Variants in PLXNA2 observed in about 807,000 individuals in gnomAD.
The protein encoded by PLXNA2 is plexin A2.
In PLXNA2, 91 loss-of-function variants were observed where a neutral mutation model predicts 193.5. The observed-to-expected ratio is 0.47, with a 90% confidence interval of 0.40 to 0.56. PLXNA2 has a LOEUF of 0.56. PLXNA2 is among the 20% of genes least tolerant of loss of function. The probability of loss-of-function intolerance (pLI) is 0.00; values close to 1 mark genes in which losing one functional copy is unlikely to be tolerated. For missense variants in PLXNA2, 1,995 were observed against 2,503.2 expected (o/e 0.80, Z 4.33); for synonymous variants, 997 against 1,027.3 (o/e 0.97, Z 0.56).
intron 12 of PLXNA2, 49 bp downstream of exon 12, chr1:208,079,211 G>C (rs1666251744): frequency 6.6e-7 from 1 of 1,507,636 alleles, no homozygotes; most frequent in South Asian, 1.2e-5. Context: ...ACTGTCTTGG[G>C]GTCAGCTCTT....
intron 13 of PLXNA2, 110 bp downstream of exon 13, chr1:208,060,576 G>T: frequency 8.8e-7 from 1 of 1,134,994 alleles, no homozygotes; most frequent in Non-Finnish European, 1.3e-6. Context: ...CATGGGAGGA[G>T]AATGTAATGG....
At chr1:208,175,007 C>T (rs1038953114) in intron 3 of PLXNA2, among the ~76,000 whole-genome samples, 11 of 152,194 alleles carry the variant, frequency 7.2e-5, no homozygotes, top group Non-Finnish European at 1.3e-4. Flanking sequence ...TCTGGGGGAG[C>T]TGGGACAGGT....
intron 4 of PLXNA2, among the ~76,000 whole-genome samples, chr1:208,113,566 T>TTG (rs1571931617): frequency 1.3e-5 from 2 of 149,508 alleles, no homozygotes; most frequent in African/African-American, 5.0e-5. Context: ...TTTTTTTTTT[T>TTG]TGAGATGCGG....
intron 5 of PLXNA2, among the ~76,000 whole-genome samples, chr1:208,101,068 A>G (rs1667081736): frequency 6.6e-6 from 1 of 152,236 alleles, no homozygotes; most frequent in Non-Finnish European, 1.5e-5. Flanking sequence ...GGTTTAAGTG[A>G]ATCCTTAAGA....
intron 3 of PLXNA2, among the ~76,000 whole-genome samples, chr1:208,148,572 T>C (rs960727585): frequency 6.6e-6 from 1 of 152,232 alleles, no homozygotes; most frequent in African/African-American, 2.4e-5. Context: ...TAGCTATGAA[T>C]GTCAGTACTG....
intron 4 of PLXNA2, among the ~76,000 whole-genome samples, chr1:208,109,666 G>A (rs1054778701): frequency 1.3e-5 from 2 of 152,252 alleles, no homozygotes; most frequent in African/African-American, 4.8e-5. Context: ...CTCACTTGCA[G>A]TGAGTGGCAA....
chr1:208,050,778 G>A (rs1278618879), intron 17 of PLXNA2, among the ~76,000 whole-genome samples: 4 of 152,128 alleles, frequency 2.6e-5, no homozygotes, highest in Non-Finnish European at 4.4e-5. Flanking sequence ...GCAGTGAGCT[G>A]TGGTTGCACC....
At chr1:208,190,927 C>T (rs1670158841) in intron 3 of PLXNA2, among the ~76,000 whole-genome samples, 1 of 152,168 alleles carries the variant, frequency 6.6e-6, no homozygotes, top group Non-Finnish European at 1.5e-5. Flanking sequence ...CAGTCCTGGA[C>T]CCCAGAAGGT....
chr1:208,214,962 T>C (rs187868669), intron 2 of PLXNA2, among the ~76,000 whole-genome samples: 1 of 151,848 alleles, frequency 6.6e-6, no homozygotes, highest in African/African-American at 2.4e-5. Context: ...TCTCTTCCTC[T>C]CTCTCTCTCT....
chr1:208,205,151 C>T (rs1245264614), intron 3 of PLXNA2, among the ~76,000 whole-genome samples: 2 of 152,218 alleles, frequency 1.3e-5, no homozygotes, highest in Admixed American at 6.5e-5. Context: ...TTGACTTCTT[C>T]CCTCTTTTGC....
chr1:208,221,857 G>A (rs1026653850), intron 1 of PLXNA2, among the ~76,000 whole-genome samples: 1 of 152,156 alleles, frequency 6.6e-6, no homozygotes, highest in African/African-American at 2.4e-5. Context: ...GTGCCTGGAC[G>A]CAAATGGAGC....
intron 4 of PLXNA2, 79 bp downstream of exon 4, chr1:208,142,250 G>C: frequency 6.8e-7 from 1 of 1,471,688 alleles, no homozygotes. Context: ...TTCTTGGACT[G>C]AACAGTTTCT....
chr1:208,084,156 T>G (rs1666434520), intron 10 of PLXNA2, among the ~76,000 whole-genome samples: 1 of 152,262 alleles, frequency 6.6e-6, no homozygotes, highest in Admixed American at 6.5e-5. Flanking sequence ...AAGATCTCAG[T>G]GTCTGCCATG....
At chr1:208,225,598 C>T (rs185705539) in intron 1 of PLXNA2, among the ~76,000 whole-genome samples, 1 of 152,302 alleles carries the variant, frequency 6.6e-6, no homozygotes, top group East Asian at 1.9e-4. Context: ...CAGGCGTGAG[C>T]CATGGCACCC....
intron 9 of PLXNA2, among the ~76,000 whole-genome samples, chr1:208,085,280 G>T (rs997503977): frequency 6.6e-6 from 1 of 152,112 alleles, no homozygotes. Context: ...AGGTCAAAGG[G>T]CCACCCCACT....
At chr1:208,123,207 G>GT (rs964195394) in intron 4 of PLXNA2, among the ~76,000 whole-genome samples, 5 of 152,160 alleles carry the variant, frequency 3.3e-5, no homozygotes, top group African/African-American at 4.8e-5. Context: ...CTAGCATGAT[G>GT]TTTTCAAGGT....
chr1:208,046,730 C>T (rs982501041), intron 17 of PLXNA2, among the ~76,000 whole-genome samples: 2 of 148,184 alleles, frequency 1.3e-5, no homozygotes, highest in Non-Finnish European at 1.5e-5. Flanking sequence ...GCAGAGGGAA[C>T]AGCACCAAAA....
At chr1:208,061,251 G>T (rs1665609964) in intron 12 of PLXNA2, among the ~76,000 whole-genome samples, 1 of 152,176 alleles carries the variant, frequency 6.6e-6, no homozygotes, top group South Asian at 2.1e-4. Context: ...GAGTCTGGAA[G>T]CACCAAACAG....
intron 8 of PLXNA2, 61 bp from the exon 9 acceptor site, chr1:208,092,961 G>A (rs2102403886): frequency 1.7e-6 from 2 of 1,171,896 alleles, no homozygotes; most frequent in East Asian, 2.4e-5. Context: ...GGTGGCATGT[G>A]TCATGATAGA....
Sources: gnomAD v4.1 joint callset for allele counts (sites outside exome capture counted in the v4.1 genomes callset) on GRCh38, gnomAD v4.1.1 for gene constraint, MANE v1.5 for transcripts, NCBI Gene and HGNC (gene_info 2026-07-23, HGNC 2026-07-21) for gene names.